The following RPS6KA2 variants were observed in gnomAD, a reference collection of about 807,000 sequenced individuals.
RPS6KA2 encodes ribosomal protein S6 kinase alpha-2.
A neutral mutation model predicts 91.8 loss-of-function variants in RPS6KA2; 42 were observed. That is an observed-to-expected ratio of 0.46 (90% CI 0.36 to 0.59). RPS6KA2 has a LOEUF of 0.59. Ranked by LOEUF, RPS6KA2 falls within the 20% of genes least tolerant of loss-of-function variation. The pLI is 0.00. For missense variants in RPS6KA2, 798 were observed against 978.5 expected (o/e 0.82, Z 2.46); for synonymous variants, 414 against 393.6 (o/e 1.05, Z -0.61).
At chr6:166,449,180 C>T (rs998695543) in intron 13 of RPS6KA2, among the ~76,000 whole-genome samples, 6 of 152,186 alleles carry the variant, frequency 3.9e-5, no homozygotes, top group African/African-American at 9.7e-5. Context: ...CTGCTGGGTG[C>T]GTGGCTCCAA....
rs1788334311 is a variant in RPS6KA2, at chr6:166,666,917, C to T, written c.124-128133G>A. Among the ~76,000 whole-genome samples, 1 of 152,068 alleles carries T rather than the reference C, an allele frequency of 6.6e-6. No homozygotes were observed. Among genetic ancestry groups the T allele is most frequent in the South Asian group, 2.1e-4 (1 of 4,820 alleles). ...GGTAGCAGAGTGCGGTGTAGGCACACAATGGAAGGAAATGACGACGCACGT... is the reference window on the plus strand; with the variant it reads ...GGTAGCAGAGTGCGGTGTAGGCACATAATGGAAGGAAATGACGACGCACGT... On this transcript the variant is annotated intron_variant, in intron 2 of 21. Transcript: ENST00000503859. This position sits in a 1 kb window ranked among gnomAD's most constrained non-coding sequence, Gnocchi z 4.0.
chr6:166,843,263 T>C (rs1780530678), intron 2 of RPS6KA2, among the ~76,000 whole-genome samples: 1 of 152,190 alleles, frequency 6.6e-6, no homozygotes, highest in Non-Finnish European at 1.5e-5. Flanking sequence ...CACCTAACCC[T>C]GTCCCACCTG....
chr6:166,661,282 A>G (rs1185884332), intron 2 of RPS6KA2, among the ~76,000 whole-genome samples: 1 of 152,064 alleles, frequency 6.6e-6, no homozygotes, highest in Non-Finnish European at 1.5e-5. Flanking sequence ...TGCATTTTTA[A>G]TAGAGACAGG....
intron 1 of RPS6KA2, among the ~76,000 whole-genome samples, chr6:166,604,565 G>T (rs1785873743): frequency 6.6e-6 from 1 of 152,186 alleles, no homozygotes; most frequent in Non-Finnish European, 1.5e-5. Context: ...TGGCATCCAG[G>T]CACCTCATAT....
rs1320288670 is a variant in RPS6KA2 at position 166,437,563 on chromosome 6, G to C, written c.1333-5073C>G. Among the ~76,000 whole-genome samples, 3 of 152,326 alleles carry C rather than the reference G, an allele frequency of 2.0e-5. No individual in the cohort carries two copies. In the East Asian group the frequency reaches 5.8e-4, roughly 29 times the overall value. The stretch of plus-strand genomic sequence containing the variant: ...CTCCAGAGAAGGGCATTCTCCAGGG[G>C]TTGGCCACCCACCACAGCCGGTAAA... On this transcript the variant is annotated intron_variant, in intron 14 of 20. Transcript: ENST00000265678. The surrounding 1 kb of genome is among the most constrained non-coding windows in gnomAD (Gnocchi z 4.3).
At chr6:166,646,349 T>C (rs1055965855) in intron 2 of RPS6KA2, among the ~76,000 whole-genome samples, 1 of 152,176 alleles carries the variant, frequency 6.6e-6, no homozygotes, top group African/African-American at 2.4e-5. Context: ...ACACGGCCAT[T>C]GCCCTGAGAG....
intron 2 of RPS6KA2, among the ~76,000 whole-genome samples, chr6:166,759,066 C>CGTGTGT (rs3066763): frequency 2.0e-4 from 30 of 151,592 alleles, no homozygotes; most frequent in African/African-American, 4.8e-4. Context: ...ATGTTGCATT[C>CGTGTGT]GTGTGTGTGT....
intron 1 of RPS6KA2, among the ~76,000 whole-genome samples, chr6:166,561,753 C>T (rs1005314031): frequency 6.6e-6 from 1 of 152,004 alleles, no homozygotes; most frequent in Non-Finnish European, 1.5e-5. Flanking sequence ...CTGGGCCACA[C>T]TGGAAGAAGA....
At chr6:166,629,114 A>ACCC (rs1247477841), upstream of RPS6KA2, among the ~76,000 whole-genome samples, 2 of 152,220 alleles carry the variant, frequency 1.3e-5, no homozygotes, top group Admixed American at 6.5e-5. Flanking sequence ...GACACTCTGT[A>ACCC]CCCAGCACGG....
rs1787718000 is a variant in RPS6KA2, at chr6:166,648,164, G to GCACTCACATA, written c.124-109381_124-109380insTATGTGAGTG. 8.3e-6 allele frequency among the ~76,000 whole-genome samples: 1 copy of GCACTCACATA among 119,800 alleles called. No homozygotes were observed. The highest frequency in any genetic ancestry group is 1.8e-5 in the Non-Finnish European group (1 of 54,414). 78.6% of individuals were successfully genotyped at this position (119,800 alleles called of 152,430 possible). On this transcript the variant is annotated intron_variant, in intron 2 of 21. Transcript: ENST00000503859. The surrounding 1 kb of genome is among the most constrained non-coding windows in gnomAD (Gnocchi z 4.8). ...CACACGCACATGGTTACACACCCAT[G>GCACTCACATA]CACACATGCTCACACACATGCACAC...
rs373604171 is a variant in RPS6KA2, at chr6:166,787,008, T to C, written c.123+71192A>G. Among the ~76,000 whole-genome samples, 11 of 152,338 alleles carry C rather than the reference T, an allele frequency of 7.2e-5. No homozygotes were observed. In the East Asian group the frequency reaches 1.9e-3, roughly 27 times the overall value. Reference sequence around the variant, plus strand: ...TTCTGATTCGTGGTAGACACAGCTATGTCGGTGTGCCAATATGTGTATAGA... The same window carrying C: ...TTCTGATTCGTGGTAGACACAGCTACGTCGGTGTGCCAATATGTGTATAGA... On this transcript the variant is annotated intron_variant, in intron 2 of 21. Coordinates refer to the RPS6KA2 transcript ENST00000503859.
chr6:166,793,044 A>C (rs1199659169), intron 2 of RPS6KA2, among the ~76,000 whole-genome samples: 1 of 152,070 alleles, frequency 6.6e-6, no homozygotes, highest in Non-Finnish European at 1.5e-5. Flanking sequence ...GTATTCAATT[A>C]GGAAAAGAGG....
rs533512262 is a variant in RPS6KA2 at position 166,532,718 on chromosome 6, G to C, written c.217-1405C>G. Among the ~76,000 whole-genome samples the C allele has an allele frequency of 1.5e-4, 23 of 152,284 alleles. No homozygotes were observed. In the South Asian group the frequency reaches 4.6e-3, roughly 30 times the overall value. On this transcript the variant is annotated intron_variant, in intron 2 of 20. Transcript: ENST00000265678. ...AAATGCTGCCTCTCGGACCCGATTA[G>C]GTCCCAAGAAGTCACAGGCAATTAG...
At chr6:166,443,124 C>T (rs984095210) in intron 14 of RPS6KA2, among the ~76,000 whole-genome samples, 3 of 151,864 alleles carry the variant, frequency 2.0e-5, no homozygotes, top group Non-Finnish European at 4.4e-5. Context: ...GTATATAATT[C>T]TGTAATAATA....
intron 1 of RPS6KA2, among the ~76,000 whole-genome samples, chr6:166,553,232 C>A (rs1784071860): frequency 6.6e-6 from 1 of 152,212 alleles, no homozygotes; most frequent in Admixed American, 6.5e-5. Flanking sequence ...AGATCCCCCA[C>A]CACAGCCTCC....
In RPS6KA2 at chr6:166,836,879, G is replaced by A. The variant is rs543133774; in HGVS notation, c.123+21321C>T. ...GCTGGCCCACCTCGGTCCCTGAGCC[G>A]GGATTTGTCTTGTCAGGAGCTGACC... On this transcript the variant is annotated intron_variant, in intron 2 of 21. Transcript: ENST00000503859. Among the ~76,000 whole-genome samples the A allele has an allele frequency of 2.0e-4, 31 of 152,288 alleles. 1 individual carries two copies. The highest frequency in any genetic ancestry group is 1.9e-3 in the South Asian group (9 of 4,820).
In RPS6KA2 at chr6:166,595,679, G is replaced by A. The variant is rs532237569; in HGVS notation, c.99+31242C>T. ...TGTGAGTCAAACAAACACATTTCAT[G>A]TTTCTAAGGAGAGAATCCAGTCTAA... On this transcript the variant is annotated intron_variant, in intron 1 of 20. Transcript: ENST00000265678. Among the ~76,000 whole-genome samples, 12 of 152,332 alleles carry A rather than the reference G, an allele frequency of 7.9e-5. No homozygotes were observed. In the South Asian group the frequency reaches 2.5e-3, roughly 32 times the overall value.
At position 166,498,580 on chromosome 6, in the gene RPS6KA2, G is replaced by A; in HGVS notation, c.675C>T (p.Tyr225=). 1.2e-6 allele frequency: 2 copies of A among 1,613,880 alleles called. No homozygotes were observed. Residue 225 remains tyrosine, a synonymous_variant, in exon 8 of 21, where the codon TAC becomes TAT. Coordinates refer to ENST00000265678, the MANE Select transcript of RPS6KA2 (RefSeq NM_021135.6). ...RAYSFCGTIE[Y]MAPEVVNRRG... ...GCCGGTTCACCACCTCGGGCGCCAT[G>A]TACTCGATCGTCCCGCAGAAGGAGT...
rs371324950 is a variant in RPS6KA2 at position 166,510,281 on chromosome 6, A to T, written c.375T>A (p.His125Gln). ...EVNHPFIVKL[H>Q]YAFQTEGKLY... ...TGTCATTTTGACTCTACTTACCATA[A>T]TGAAGCTTCACAATGAAGGGGTGAT... Residue 125 changes from histidine (H) to glutamine (Q), a missense_variant, in exon 4 of 21, where the codon CAT becomes CAA. His to Gln is a conservative substitution (Grantham distance 24). Coordinates refer to ENST00000265678, the MANE Select transcript of RPS6KA2 (RefSeq NM_021135.6). The T allele has an allele frequency of 3.6e-5, 58 of 1,593,876 alleles. No individual in the cohort carries two copies. The highest frequency in any genetic ancestry group is 4.9e-5 in the Non-Finnish European group (57 of 1,164,538).
Sources: gnomAD v4.1 joint callset for allele counts (sites outside exome capture counted in the v4.1 genomes callset) on GRCh38, gnomAD v4.1.1 for gene constraint, Gnocchi (gnomAD v3.1) non-coding constraint, MANE v1.5 for transcripts, NCBI Gene and HGNC (gene_info 2026-07-23, HGNC 2026-07-21) for gene names.